Variants in TMEM26 observed in about 807,000 individuals in gnomAD.
TMEM26 encodes transmembrane protein 26.
Under a neutral mutation model 28.8 loss-of-function variants are expected in TMEM26, and 38 were observed. The ratio of observed to expected loss-of-function variants is 1.32; its 90% CI spans 1.02 to 1.73. TMEM26 has a LOEUF of 1.73. TMEM26 is among the 40% of genes most tolerant of loss of function. The probability of loss-of-function intolerance (pLI) is 0.00; values close to 1 mark genes in which losing one functional copy is unlikely to be tolerated. For missense variants in TMEM26, 518 were observed against 447.1 expected (o/e 1.16, Z -1.43); for synonymous variants, 227 against 182.9 (o/e 1.24, Z -1.95).
chr10:61,429,306 A>C (rs1205145990), intron 3 of TMEM26, among the ~76,000 whole-genome samples, 160 bp from the exon 4 acceptor site: 3 of 152,082 alleles, frequency 2.0e-5, no homozygotes, highest in Admixed American at 2.0e-4. Context: ...TTTCAGCTGA[A>C]CACTCTGAAA....
intron 1 of TMEM26, among the ~76,000 whole-genome samples, chr10:61,437,064 G>A (rs922135344): frequency 6.6e-6 from 1 of 152,174 alleles, no homozygotes; most frequent in Non-Finnish European, 1.5e-5. Context: ...AGCTCTGGAG[G>A]CTGGGGGTCT....
intron 1 of TMEM26, among the ~76,000 whole-genome samples, chr10:61,437,545 A>G (rs1030379301): frequency 2.6e-5 from 4 of 152,280 alleles, no homozygotes; most frequent in Non-Finnish European, 5.9e-5. Context: ...GCACTTTGGG[A>G]GGCCAAGGCA....
At chr10:61,448,985 T>A (rs990362879) in intron 1 of TMEM26, among the ~76,000 whole-genome samples, 2 of 152,240 alleles carry the variant, frequency 1.3e-5, no homozygotes, top group Non-Finnish European at 2.9e-5. Context: ...GGAAAGCAGC[T>A]GAAATGTTGA....
At chr10:61,445,659 T>A (rs890853352) in intron 1 of TMEM26, among the ~76,000 whole-genome samples, 4 of 151,694 alleles carry the variant, frequency 2.6e-5, no homozygotes, top group Admixed American at 6.6e-5. Flanking sequence ...GTACATTTCA[T>A]AAAGTGCCTA....
intron 2 of TMEM26, among the ~76,000 whole-genome samples, chr10:61,435,180 A>G (rs1839983714): frequency 1.3e-5 from 2 of 152,188 alleles, no homozygotes; most frequent in East Asian, 3.9e-4. Context: ...AGGGACTCTT[A>G]TTGGAAGCTA....
At chr10:61,436,826 A>AT (rs1251123123) in intron 1 of TMEM26, among the ~76,000 whole-genome samples, 2 of 151,962 alleles carry the variant, frequency 1.3e-5, no homozygotes, top group Non-Finnish European at 2.9e-5. Context: ...AGCCTTTGGT[A>AT]TTTTTTTTAA....
intron 1 of TMEM26, among the ~76,000 whole-genome samples, chr10:61,451,267 ATAGTATT>A (rs1231266476): frequency 2.0e-5 from 3 of 152,188 alleles, no homozygotes; most frequent in African/African-American, 7.2e-5. Flanking sequence ...TCCATTGGCT[ATAGTATT>A]TACACACAAC....
chr10:61,436,321 G>A, intron 1 of TMEM26, 73 bp from the exon 2 acceptor site: 9 of 938,906 alleles, frequency 9.6e-6, no homozygotes, highest in African/African-American at 5.0e-5. Flanking sequence ...TTAAGAGGAA[G>A]AATGAAAAAA....
chr10:61,417,010 G>A (rs1839662851), intron 4 of TMEM26, among the ~76,000 whole-genome samples: 1 of 152,006 alleles, frequency 6.6e-6, no homozygotes, highest in Non-Finnish European at 1.5e-5. Flanking sequence ...TTTTGGAAAA[G>A]TAGATCAGAA....
intron 1 of TMEM26, among the ~76,000 whole-genome samples, chr10:61,451,728 A>C (rs1382005324): frequency 6.6e-6 from 1 of 152,192 alleles, no homozygotes; most frequent in Non-Finnish European, 1.5e-5. Context: ...GTTCTTGAAT[A>C]ATTTCAGCAT....
chr10:61,446,963 A>C (rs956838313), intron 1 of TMEM26, among the ~76,000 whole-genome samples: 2 of 143,760 alleles, frequency 1.4e-5, no homozygotes, highest in Non-Finnish European at 3.0e-5. Flanking sequence ...GGGCTACAAC[A>C]AACTTTAAAA....
At chr10:61,445,746 C>G (rs866202604) in intron 1 of TMEM26, among the ~76,000 whole-genome samples, 2 of 151,724 alleles carry the variant, frequency 1.3e-5, no homozygotes, top group African/African-American at 2.4e-5. Flanking sequence ...GCCTTTTTGT[C>G]CTAGTACCAA....
At chr10:61,431,169 C>A in intron 3 of TMEM26, 50 bp downstream of exon 3, 2 of 1,466,724 alleles carry the variant, frequency 1.4e-6, no homozygotes, top group South Asian at 1.1e-5. Flanking sequence ...AGGATTATAC[C>A]AAGTCCACCA....
chr10:61,415,523 C>T (rs2135289137), intron 4 of TMEM26, among the ~76,000 whole-genome samples: 1 of 152,148 alleles, frequency 6.6e-6, no homozygotes, highest in Middle Eastern at 3.4e-3. Flanking sequence ...TTAATTCTCA[C>T]ACCAGCTCAA....
rs1240268581 is a variant in TMEM26 at position 61,431,233 on chromosome 10, C to T, written c.370G>A (p.Asp124Asn). ...AAAGCTCTCACCGTCTCAATGAGAT[C>T]ATCAGCTCTACTGGTTTGTTCATTG... is the stretch of plus-strand genomic sequence containing the variant. Reference protein sequence around the residue: ...TSNEQTSRADDLIETAKVFVN... With the variant: ...TSNEQTSRADNLIETAKVFVN... Residue 124 changes from aspartate to asparagine, a missense_variant, in exon 3 of 6, where the codon GAT (aspartate) becomes AAT (asparagine). Coordinates refer to ENST00000399298, the MANE Select transcript of TMEM26 (RefSeq NM_178505.8). 2.5e-6 allele frequency: 4 copies of T among 1,612,592 alleles called. No individual in the cohort carries two copies. In the African/African-American group the frequency reaches 5.3e-5, roughly 22 times the overall value.
chr10:61,435,053 C>T (rs1839981445), intron 2 of TMEM26, among the ~76,000 whole-genome samples: 1 of 152,166 alleles, frequency 6.6e-6, no homozygotes, highest in South Asian at 2.1e-4. Flanking sequence ...GAAACTTGGC[C>T]TCCCCAGAGT....
At chr10:61,422,394 T>C (rs1055063929) in intron 4 of TMEM26, among the ~76,000 whole-genome samples, 3 of 152,088 alleles carry the variant, frequency 2.0e-5, no homozygotes, top group Non-Finnish European at 4.4e-5. Context: ...AGATAGGCCA[T>C]ATAATAGACC....
intron 5 of TMEM26, chr10:61,412,886 C>A (rs1224601984): frequency 2.4e-6 from 3 of 1,252,000 alleles, no homozygotes; most frequent in Admixed American, 5.3e-5. Context: ...TTACTTCTTG[C>A]AAAATCTTAG....
intron 4 of TMEM26, chr10:61,416,237 C>A: frequency 2.7e-6 from 1 of 373,704 alleles, no homozygotes; most frequent in Admixed American, 3.2e-5. Flanking sequence ...ATAATTCTAC[C>A]AAAAACTATG....
Sources: gnomAD v4.1 joint callset for allele counts (sites outside exome capture counted in the v4.1 genomes callset) on GRCh38, gnomAD v4.1.1 for gene constraint, MANE v1.5 for transcripts, NCBI Gene and HGNC (gene_info 2026-07-23, HGNC 2026-07-21) for gene names.